The following DMD variants were observed in gnomAD, a reference collection of about 807,000 sequenced individuals.
DMD encodes the protein dystrophin.
DMD carries 63 observed loss-of-function variants against 330.1 expected under a neutral mutation model. That is an observed-to-expected ratio of 0.19 (90% confidence interval 0.16 to 0.24). DMD has a LOEUF of 0.24. Ranked by LOEUF, DMD falls within the 10% of genes least tolerant of loss-of-function variation. The pLI, the probability that DMD is intolerant of heterozygous loss-of-function variation, is 1.00. For synonymous variants in DMD, 1,223 were observed against 959.8 expected (o/e 1.27, Z -5.07); for missense variants, 3,344 against 2,684.1 (o/e 1.25, Z -5.43).
intron 4 of DMD, among the ~76,000 whole-genome samples, chrX:32,828,202 T>G (rs2078884255): frequency 9.0e-6 from 1 of 111,659 alleles, no homozygotes; most frequent in Non-Finnish European, 1.9e-5. Context: ...GCATGTGTCT[T>G]TATCGTAGAA....
Position 31,850,299 on chromosome X carries a change from C to T in DMD, c.7099-13480G>A, listed in dbSNP as rs916859646. On this transcript the variant is annotated intron_variant, in intron 48 of 78. Transcript: ENST00000357033. ...CACTTTGTAAACATTATCTATTGTA[C>T]GATATATCTCAAGTTCAGAGGTGTT... 1.7e-4 allele frequency among the ~76,000 whole-genome samples: 19 copies of T among 112,236 alleles called. No homozygotes were observed. In the Admixed American group the frequency reaches 1.7e-3, roughly 10 times the overall value.
chrX:33,282,355 T>A (rs1377898192), intron 1 of DMD, among the ~76,000 whole-genome samples: 1 of 111,484 alleles, frequency 9.0e-6, no homozygotes, highest in Non-Finnish European at 1.9e-5. Context: ...TGGATGGGAT[T>A]TTGTTCTTGA....
At position 32,140,276 on chromosome X, in the gene DMD, T is replaced by C. The variant is rs2096746224; in HGVS notation, c.6438+76640A>G. Among the ~76,000 whole-genome samples, 4 of 112,488 alleles carry C rather than the reference T, an allele frequency of 3.6e-5. No individual in the cohort carries two copies. The South Asian group carries it at 1.5e-3, about 41-fold the overall frequency. On this transcript the variant is annotated intron_variant, in intron 44 of 78. Coordinates refer to ENST00000357033, the MANE Select transcript of DMD (RefSeq NM_004006.3). ...TTCCTAAGATGTTTAACTAAAGTGA[T>C]TAAATGGGCTGAATTATAACATATT...
rs1243673726 is a variant in DMD, at chrX:31,659,642, A to G, written c.7873-1498T>C. Reference sequence around the variant, plus strand: ...GACAGAGTGAGACTCCATCTCGGAAAAAAAAAAAAAAAAAAAAAAAAAAAA... The same window carrying G: ...GACAGAGTGAGACTCCATCTCGGAAGAAAAAAAAAAAAAAAAAAAAAAAAA... On this transcript the variant is annotated intron_variant, in intron 53 of 78. Coordinates refer to ENST00000357033, the MANE Select transcript of DMD (RefSeq NM_004006.3). Among the ~76,000 whole-genome samples the G allele has an allele frequency of 5.9e-4, 44 of 74,534 alleles. 1 individual carries two copies. The highest frequency in any genetic ancestry group is 1.7e-3 in the Admixed American group (10 of 5,817). 64.7% of individuals were successfully genotyped at this position (74,534 alleles called of 115,157 possible). A position where few individuals can be genotyped will look rare whatever the true frequency, so the allele number is the denominator to read the frequency against.
chrX:32,527,431 C>A (rs898002066), intron 17 of DMD, among the ~76,000 whole-genome samples: 2 of 110,763 alleles, frequency 1.8e-5, no homozygotes, highest in African/African-American at 6.6e-5. Flanking sequence ...AAATCCCCAA[C>A]CATTTGAAGA....
At chrX:32,880,915 G>A (rs2083878540) in intron 2 of DMD, among the ~76,000 whole-genome samples, 1 of 112,779 alleles carries the variant, frequency 8.9e-6, no homozygotes, top group Admixed American at 9.3e-5. Flanking sequence ...TCGCACTCCA[G>A]CCTGGGCAAC....
intron 2 of DMD, among the ~76,000 whole-genome samples, chrX:32,872,330 C>T (rs2083063696): frequency 8.9e-6 from 1 of 111,960 alleles, no homozygotes; most frequent in Non-Finnish European, 1.9e-5. Context: ...CATGCTTTCT[C>T]ACCTACCTCG....
chrX:32,861,668 G>A (rs2082085285), intron 2 of DMD, among the ~76,000 whole-genome samples: 1 of 111,649 alleles, frequency 9.0e-6, no homozygotes, highest in Non-Finnish European at 1.9e-5. Context: ...TTATCTGACA[G>A]GAGCTTTGAT....
At chrX:32,246,901 C>A (rs1361882085) in intron 43 of DMD, among the ~76,000 whole-genome samples, 1 of 110,535 alleles carries the variant, frequency 9.0e-6, no homozygotes, top group Non-Finnish European at 1.9e-5. Context: ...TATGTAGAGC[C>A]CAGAATTGGT....
intron 2 of DMD, among the ~76,000 whole-genome samples, chrX:32,986,287 G>A (rs1240114455): frequency 2.7e-5 from 3 of 112,022 alleles, no homozygotes; most frequent in Non-Finnish European, 5.6e-5. Context: ...TGTTAAAGCT[G>A]ATCTAGAAGT....
chrX:33,267,226 C>G (rs898889444), intron 1 of DMD, among the ~76,000 whole-genome samples: 1 of 110,307 alleles, frequency 9.1e-6, no homozygotes, highest in Non-Finnish European at 1.9e-5. Flanking sequence ...ACAATAATGA[C>G]CAAGCTGAGA....
intron 1 of DMD, among the ~76,000 whole-genome samples, chrX:33,294,716 A>C (rs2148932775): frequency 9.1e-6 from 1 of 109,732 alleles, no homozygotes; most frequent in South Asian, 3.8e-4. Context: ...CATATATTTT[A>C]TCTTCAGTGC....
intron 55 of DMD, among the ~76,000 whole-genome samples, chrX:31,511,312 T>TTTTATTTATTTA (rs763976919): frequency 1.0e-5 from 1 of 100,095 alleles, no homozygotes; most frequent in African/African-American, 3.8e-5. Context: ...ACTCATCATT[T>TTTTATTTATTTA]TTTATTTATT....
At chrX:32,843,693 T>A (rs1220071507) in intron 4 of DMD, among the ~76,000 whole-genome samples, 1 of 111,710 alleles carries the variant, frequency 9.0e-6, no homozygotes, top group Non-Finnish European at 1.9e-5. Context: ...AAGAGAGAGG[T>A]AATGTAATTA....
intron 2 of DMD, among the ~76,000 whole-genome samples, chrX:32,879,281 G>A (rs1403226043): frequency 9.0e-6 from 1 of 111,369 alleles, no homozygotes; most frequent in African/African-American, 3.3e-5. Context: ...TTCTTGGGCC[G>A]CTGGGAAGCC....
intron 15 of DMD, among the ~76,000 whole-genome samples, chrX:32,567,948 GACTT>G (rs749572178): frequency 6.6e-4 from 73 of 111,360 alleles, no homozygotes; most frequent in South Asian, 1.5e-3. Context: ...AATCCTCTTT[GACTT>G]ACTTACTCAG....
At chrX:33,282,550 T>C (rs1038830102) in intron 1 of DMD, among the ~76,000 whole-genome samples, 8 of 111,473 alleles carry the variant, frequency 7.2e-5, no homozygotes, top group Middle Eastern at 9.3e-3. Context: ...GAGAGTGTCT[T>C]AGGCCTGTAG....
chrX:31,212,384 G>C (rs1461931057), intron 64 of DMD, among the ~76,000 whole-genome samples: 3 of 109,482 alleles, frequency 2.7e-5, no homozygotes, highest in Admixed American at 9.9e-5. Flanking sequence ...AGAGGGTGGG[G>C]ACAGGATAAA....
chrX:31,282,355 G>A (rs1275553567), intron 62 of DMD, among the ~76,000 whole-genome samples: 1 of 111,153 alleles, frequency 9.0e-6, no homozygotes. Flanking sequence ...ATTCATTGGA[G>A]GGAAAAGTGA....
Sources: allele counts gnomAD v4.1 joint callset (sites outside exome capture counted in the v4.1 genomes callset), GRCh38; gene constraint gnomAD v4.1.1; transcripts MANE v1.5; gene names NCBI Gene and HGNC (gene_info 2026-07-23, HGNC 2026-07-21).